The following AFDN variants were observed in gnomAD, a reference collection of about 807,000 sequenced individuals.
The protein encoded by AFDN is afadin.
AFDN carries 68 observed loss-of-function variants against 216.6 expected under a neutral mutation model. The ratio of observed to expected loss-of-function variants is 0.31; its 90% confidence interval spans 0.26 to 0.38. AFDN has a LOEUF of 0.38. Ranked by LOEUF, AFDN falls within the 10% of genes least tolerant of loss-of-function variation. The pLI, the probability that AFDN is intolerant of heterozygous loss-of-function variation, is 1.00. For synonymous variants in AFDN, 868 were observed against 853.7 expected (o/e 1.02, Z -0.29); for missense variants, 2,136 against 2,342.0 (o/e 0.91, Z 1.82).
At position 167,951,708 on chromosome 6, in the gene AFDN, C is replaced by T. The variant is rs775819918; in HGVS notation, c.4354C>T (p.Arg1452Cys). The T allele has an allele frequency of 8.1e-6, 13 of 1,613,974 alleles. No homozygotes were observed. Among genetic ancestry groups the T allele is most frequent in the South Asian group, 2.2e-5 (2 of 91,046 alleles). ...GCAGGAGAGGAAGTTGGGCCAGATG[C>T]GCACTCAGTCCTTAAACCCTGCTCC... is the stretch of plus-strand genomic sequence containing the variant. The part of the protein sequence containing the change: ...REQERKLGQM[R>C]TQSLNPAPFS... Residue 1452 changes from arginine (R) to cysteine (C), a missense_variant, in exon 30 of 34, where the codon CGC becomes TGC. Physicochemically the swap from Arg to Cys is radical, Grantham distance 180. Around this residue, in one of 8 missense-constraint regions of AFDN, gnomAD observed 981 missense variants for 966.0 expected, o/e 1.02. Transcript: ENST00000683244. The surrounding 1 kb of genome is among the most constrained non-coding windows in gnomAD (Gnocchi z 7.1).
Position 167,902,377 on chromosome 6 carries a change from G to A in AFDN, c.1641G>A (p.Pro547=), listed in dbSNP as rs116318091. 1.9e-3 allele frequency: 2,989 copies of A among 1,610,760 alleles called. 60 individuals carry two copies. The African/African-American group carries it at 0.036, about 19-fold the overall frequency. ...ATATTCATAGTGGGACAGCATTACC[G>A]ACAAGCAAGGTAGGTAATTATGGAT... ...GGDIHSGTAL[P]TSKSTTRLDS... Residue 547 remains proline, a synonymous_variant, in exon 12 of 34, where the codon CCG becomes CCA. Transcript: ENST00000683244.
chr6:167,868,076 A>G (rs891352699), intron 2 of AFDN, among the ~76,000 whole-genome samples: 1 of 152,032 alleles, frequency 6.6e-6, no homozygotes, highest in African/African-American at 2.4e-5. Context: ...CCTTTCCTTC[A>G]AGGGCTGACC....
At chr6:167,892,698 A>ACGC (rs1787762489) in intron 8 of AFDN, among the ~76,000 whole-genome samples, 1 of 152,214 alleles carries the variant, frequency 6.6e-6, no homozygotes, top group South Asian at 2.1e-4. Flanking sequence ...CCTTGGAGGT[A>ACGC]GAGCACCAAA....
chr6:167,840,817 G>T (rs1780986517), intron 1 of AFDN, among the ~76,000 whole-genome samples: 1 of 152,248 alleles, frequency 6.6e-6, no homozygotes, highest in Non-Finnish European at 1.5e-5. Flanking sequence ...CAAGATGAAA[G>T]AACATGAGGA....
intron 13 of AFDN, 105 bp downstream of exon 13, chr6:167,907,394 C>A: frequency 1.2e-6 from 1 of 807,482 alleles, no homozygotes; most frequent in Non-Finnish European, 2.0e-6. Context: ...GACATGTTTA[C>A]AATGTTAGCA....
intron 20 of AFDN, among the ~76,000 whole-genome samples, chr6:167,917,844 A>G (rs1199690045): frequency 6.6e-6 from 1 of 152,240 alleles, no homozygotes; most frequent in Non-Finnish European, 1.5e-5. Context: ...ATATACATAA[A>G]TCGTGTCATA....
chr6:167,867,586 C>T (rs1784328286), intron 2 of AFDN, among the ~76,000 whole-genome samples: 1 of 152,000 alleles, frequency 6.6e-6, no homozygotes, highest in Non-Finnish European at 1.5e-5. Context: ...CCCGCCACCA[C>T]ACCTGGCCAA....
chr6:167,946,934 A>G, intron 27 of AFDN, 33 bp downstream of exon 27: 2 of 1,562,018 alleles, frequency 1.3e-6, no homozygotes, highest in African/African-American at 1.4e-5. Context: ...TCCTAAGTAC[A>G]CTTGTGATCA....
In AFDN at chr6:167,925,026, C is replaced by T. The variant is rs1462233238; in HGVS notation, c.3034C>T (p.Pro1012Ser). Residue 1012 changes from proline to serine, a missense_variant, in exon 23 of 34, where the codon CCT (proline) becomes TCT (serine). By Grantham distance (74) the Pro-to-Ser change is moderately conservative. This residue lies in a region of AFDN where 12 missense variants were observed against 35.6 expected (regional missense o/e 0.34). Coordinates refer to ENST00000683244, the MANE Select transcript of AFDN (RefSeq NM_001386888.1). ...TELAQPLRKE[P>S]EIITVTLKKQ... is the part of the protein sequence containing the mutation. Reference sequence around the variant, plus strand: ...TTAGGCTCAGCCTCTGAGGAAAGAACCTGAAATAATCACTGTGACCCTAAA... The same window carrying T: ...TTAGGCTCAGCCTCTGAGGAAAGAATCTGAAATAATCACTGTGACCCTAAA... 1 of 1,613,282 alleles carries T rather than the reference C, an allele frequency of 6.2e-7. No individual in the cohort carries two copies. The highest frequency in any genetic ancestry group is 1.3e-5 in the African/African-American group (1 of 74,902).
rs560454910 is a variant in AFDN, at chr6:167,948,976, G to A, written c.3831+498G>A. On this transcript the variant is annotated intron_variant, in intron 29 of 33. Transcript: ENST00000683244. ...CAGGAGGAGGGAAAGGCACAGAGAT[G>A]TGTAGTAGTTCAGCAGGAACCCTGG... is the stretch of plus-strand genomic sequence containing the variant. 8.4e-4 allele frequency among the ~76,000 whole-genome samples: 128 copies of A among 152,356 alleles called. No individual in the cohort carries two copies. The Middle Eastern group carries it at 0.017, about 20-fold the overall frequency.
intron 3 of AFDN, among the ~76,000 whole-genome samples, chr6:167,871,713 C>G (rs774686692): frequency 5.9e-5 from 9 of 152,328 alleles, no homozygotes; most frequent in Non-Finnish European, 1.3e-4. Flanking sequence ...ATAATACTTA[C>G]AACAGTTTCA....
chr6:167,887,377 A>G (rs1218384457), intron 6 of AFDN, among the ~76,000 whole-genome samples: 1 of 147,818 alleles, frequency 6.8e-6, no homozygotes, highest in Non-Finnish European at 1.5e-5. Flanking sequence ...CTTTTGCAAG[A>G]TTAGGCAATA....
intron 1 of AFDN, among the ~76,000 whole-genome samples, chr6:167,853,205 CTTAAT>C (rs1237977311): frequency 6.6e-6 from 1 of 151,948 alleles, no homozygotes; most frequent in Non-Finnish European, 1.5e-5. Flanking sequence ...ATGGCTTTTA[CTTAAT>C]TTATTTAATT....
At chr6:167,890,117 C>T (rs1213382311) in intron 7 of AFDN, among the ~76,000 whole-genome samples, 1 of 152,102 alleles carries the variant, frequency 6.6e-6, no homozygotes, top group Admixed American at 6.5e-5. Flanking sequence ...GAGGGCCTTG[C>T]ATTAATAACG....
intron 2 of AFDN, among the ~76,000 whole-genome samples, chr6:167,866,470 C>T (rs2128234801): frequency 6.6e-6 from 1 of 152,266 alleles, no homozygotes; most frequent in South Asian, 2.1e-4. Context: ...ACCTAATAGT[C>T]CGTTTCATTA....
chr6:167,886,781 C>T (rs1583284075), intron 6 of AFDN, among the ~76,000 whole-genome samples: 1 of 152,042 alleles, frequency 6.6e-6, no homozygotes. Flanking sequence ...ACGCCTGATG[C>T]TTTCTGAGCT....
In AFDN at chr6:167,962,961, G is replaced by A. The variant is rs139277383; in HGVS notation, c.4968+394G>A. 588 of 1,100,020 alleles carry A rather than the reference G, an allele frequency of 5.3e-4. 6 individuals carry two copies. In the East Asian group the frequency reaches 0.02, roughly 38 times the overall value. The allele number at this position is 1,100,020 out of a possible 1,614,324, so 68.1% of individuals were successfully genotyped here. A position where few individuals can be genotyped will look rare whatever the true frequency, so the allele number is the denominator to read the frequency against. On this transcript the variant is annotated intron_variant, in intron 31 of 33. Coordinates refer to ENST00000683244, the MANE Select transcript of AFDN (RefSeq NM_001386888.1). The surrounding 1 kb of genome is among the most constrained non-coding windows in gnomAD (Gnocchi z 5.2). ...GTGGACCGTGGGAAGCAGTAGGAGCGTAGTAAGACAGTTGGCTGCCATTCA... is the reference window on the plus strand; with the variant it reads ...GTGGACCGTGGGAAGCAGTAGGAGCATAGTAAGACAGTTGGCTGCCATTCA...
At chr6:167,917,051 C>T (rs1424976526) in intron 19 of AFDN, 38 bp from the exon 20 acceptor site, 4 of 1,577,844 alleles carry the variant, frequency 2.5e-6, no homozygotes, top group Admixed American at 1.8e-5. Flanking sequence ...AATAACTTTA[C>T]AAGTGTGATA....
rs1325662690 is a variant in AFDN at position 167,890,923 on chromosome 6, A to T, written c.1071A>T (p.Lys357Asn). Residue 357 changes from lysine (K) to asparagine (N), a missense_variant, in exon 8 of 34, where the codon AAA (lysine) becomes AAT (asparagine). This residue lies in a region of AFDN where 817 missense variants were observed against 965.7 expected (regional missense o/e 0.85). Coordinates refer to ENST00000683244, the MANE Select transcript of AFDN (RefSeq NM_001386888.1). ...ACCACATCCCAAAGAAAACCAAGAA[A>T]CACTTGGAAGGCAAGACACCCAAGG... ...PPDHIPKKTK[K>N]HLEGKTPKGK... is the part of the protein sequence containing the mutation. 1 of 1,614,110 alleles carries T rather than the reference A, an allele frequency of 6.2e-7. No individual in the cohort carries two copies. The highest frequency in any genetic ancestry group is 1.1e-5 in the South Asian group (1 of 91,068).
Sources: allele counts gnomAD v4.1 joint callset (sites outside exome capture counted in the v4.1 genomes callset), GRCh38; gene constraint gnomAD v4.1.1; regional missense constraint gnomAD v4.1.1; non-coding constraint Gnocchi (gnomAD v3.1); transcripts MANE v1.5; gene names NCBI Gene and HGNC (gene_info 2026-07-23, HGNC 2026-07-21).